CEACAM6: variants seen among roughly 807,000 people sequenced by gnomAD.
CEACAM6 encodes the protein cell adhesion molecule CEACAM6.
CEACAM6 carries 21 observed loss-of-function variants against 32.4 expected under a neutral mutation model. The ratio of observed to expected loss-of-function variants is 0.65; its 90% CI spans 0.46 to 0.93. The LOEUF is 0.93. Ranked by LOEUF, CEACAM6 falls within the 40% of genes least tolerant of loss-of-function variation. The pLI is 0.00. For missense variants in CEACAM6, 406 were observed against 432.2 expected, an observed-to-expected ratio of 0.94 and a Z score of 0.54; for synonymous variants, 184 against 174.4, an observed-to-expected ratio of 1.06 and a Z score of -0.43.
rs570434430 is a variant in CEACAM6, at chr19:41,756,869, G to A, written c.334G>A (p.Val112Ile). 82 of 1,614,120 alleles carry A rather than the reference G, an allele frequency of 5.1e-5. No homozygotes were observed. Among genetic ancestry groups the A allele is most frequent in the South Asian group, 2.3e-4 (21 of 91,078 alleles). ...YPNASLLIQN[V>I]TQNDTGFYTL... ...CAATGCATCCCTGCTGATCCAGAAC[G>A]TCACCCAGAATGACACAGGATTCTA... Residue 112 changes from valine to isoleucine, a missense_variant, in exon 2 of 6, where the codon GTC becomes ATC. Physicochemically the swap from Val to Ile is conservative, Grantham distance 29 (BLOSUM62 3). Coordinates refer to ENST00000199764, the MANE Select transcript of CEACAM6 (RefSeq NM_002483.7).
chr19:41,762,612 A>AAGG (rs2072933553), intron 4 of CEACAM6, among the ~76,000 whole-genome samples: 2 of 152,074 alleles, frequency 1.3e-5, no homozygotes, highest in Non-Finnish European at 1.5e-5. Flanking sequence ...CTACTCCATA[A>AAGG]GCTACAAGGG....
chr19:41,761,714 C>T (rs1433120474), intron 3 of CEACAM6, among the ~76,000 whole-genome samples, 187 bp downstream of exon 3: 1 of 152,182 alleles, frequency 6.6e-6, no homozygotes, highest in Non-Finnish European at 1.5e-5. Flanking sequence ...GGGGCTGTCT[C>T]CTGTGCTACT....
At chr19:41,759,519 C>G (rs1210856612) in intron 2 of CEACAM6, among the ~76,000 whole-genome samples, 5 of 152,176 alleles carry the variant, frequency 3.3e-5, no homozygotes, top group Non-Finnish European at 5.9e-5. Flanking sequence ...CTAAGACTTC[C>G]TCTCCTACTG....
intron 2 of CEACAM6, among the ~76,000 whole-genome samples, chr19:41,760,775 G>A (rs554455094): frequency 6.6e-6 from 1 of 152,282 alleles, no homozygotes; most frequent in South Asian, 2.1e-4. Flanking sequence ...AGTATCCTTG[G>A]GGTTTAAGGA....
At chr19:41,767,581 CAAG>C (rs1167534877) in intron 5 of CEACAM6, among the ~76,000 whole-genome samples, 2 of 152,198 alleles carry the variant, frequency 1.3e-5, no homozygotes, top group Non-Finnish European at 2.9e-5. Flanking sequence ...AACGGATGCT[CAAG>C]CCCCAACCAT....
At chr19:41,767,675 A>G (rs2072964456) in intron 5 of CEACAM6, among the ~76,000 whole-genome samples, 1 of 152,208 alleles carries the variant, frequency 6.6e-6, no homozygotes, top group Non-Finnish European at 1.5e-5. Context: ...ATGTGTAGCC[A>G]CGATGGAGGA....
chr19:41,768,543 C>T lies in CEACAM6; in HGVS notation c.*40+2244C>T, dbSNP rs10408680. On this transcript the variant is annotated intron_variant, in intron 5 of 5. Coordinates refer to ENST00000199764, the MANE Select transcript of CEACAM6 (RefSeq NM_002483.7). ...AACCATCCGATTTCTCAATCTTTTC[C>T]CCACCTTTCCCCCTTTTCTATTCCA... is the stretch of plus-strand genomic sequence containing the variant. 5.2e-3 allele frequency among the ~76,000 whole-genome samples: 793 copies of T among 152,366 alleles called. 10 individuals are homozygous for T. The highest frequency in any genetic ancestry group is 0.018 in the African/African-American group (752 of 41,588).
In CEACAM6 at chr19:41,765,661, C is replaced by A. The variant is rs527587162; in HGVS notation, c.959-522C>A. On this transcript the variant is annotated intron_variant, in intron 4 of 5. Transcript: ENST00000199764. ...GTGCAGTTCTGAGTTTCCCCAAGAC[C>A]GATGGGGAGTCCTTGAACCCCTCAC... 3.3e-5 allele frequency among the ~76,000 whole-genome samples: 5 copies of A among 152,296 alleles called. No homozygotes were observed. In the South Asian group the frequency reaches 1.0e-3, roughly 32 times the overall value.
intron 5 of CEACAM6, 78 bp downstream of exon 5, chr19:41,766,377 C>A: frequency 1.5e-6 from 1 of 646,190 alleles, no homozygotes; most frequent in Non-Finnish European, 2.6e-6. Context: ...ACTTCTTCAC[C>A]TGTATCTGGG....
At chr19:41,757,069 T>C in intron 2 of CEACAM6, 110 bp downstream of exon 2, 1 of 1,511,270 alleles carries the variant, frequency 6.6e-7, no homozygotes, top group Non-Finnish European at 8.9e-7. Flanking sequence ...ACATCCTGTA[T>C]CAGGGTTTGG....
rs61736638 is a variant in CEACAM6 at position 41,756,789 on chromosome 19, G to T, written c.254G>T (p.Gly85Val). ...GNSLIVGYVI[G>V]TQQATPGPAY... Reference sequence around the variant, plus strand: ...AGTCTAATTGTAGGATATGTAATAGGAACTCAACAAGCTACCCCAGGGCCC... The same window carrying T: ...AGTCTAATTGTAGGATATGTAATAGTAACTCAACAAGCTACCCCAGGGCCC... Residue 85 changes from glycine (G) to valine (V), a missense_variant, in exon 2 of 6, where the codon GGA (glycine) becomes GTA (valine). Physicochemically the swap from Gly to Val is moderately radical, Grantham distance 109 (BLOSUM62 -3). Transcript: ENST00000199764. 3.7e-6 allele frequency: 6 copies of T among 1,613,856 alleles called. No individual in the cohort carries two copies. The highest frequency in any genetic ancestry group is 5.1e-6 in the Non-Finnish European group (6 of 1,179,998).
In CEACAM6 at chr19:41,755,695, G is replaced by A. The variant is rs1184806021; in HGVS notation, c.57G>A (p.Leu19=). The A allele has an allele frequency of 1.9e-6, 3 of 1,604,912 alleles. No homozygotes were observed. In the African/African-American group the frequency reaches 4.0e-5, roughly 22 times the overall value. ...CRLHVPWKEV[L]LTASLLTFWN... is the part of the protein sequence containing the mutation. ...TGCATGTCCCCTGGAAGGAGGTCCTGCTCACAGGTGAGGGGAGGACTCCCT... is the reference window on the plus strand; with the variant it reads ...TGCATGTCCCCTGGAAGGAGGTCCTACTCACAGGTGAGGGGAGGACTCCCT... The change falls in exon 1 of 6, where the codon CTG becomes CTA. Residue 19 remains leucine, a synonymous_variant. Transcript: ENST00000199764.
At chr19:41,763,055 G>T (rs2072936384) in intron 4 of CEACAM6, among the ~76,000 whole-genome samples, 1 of 152,146 alleles carries the variant, frequency 6.6e-6, no homozygotes, top group Non-Finnish European at 1.5e-5. Flanking sequence ...GGAAGGGGCA[G>T]TGACAAAAAG....
intron 4 of CEACAM6, among the ~76,000 whole-genome samples, chr19:41,764,148 C>T (rs1555822201): frequency 6.6e-6 from 1 of 152,156 alleles, no homozygotes; most frequent in African/African-American, 2.4e-5. Context: ...AATCTTATTA[C>T]TAATTATAGG....
chr19:41,763,457 G>C (rs1362713513), intron 4 of CEACAM6, among the ~76,000 whole-genome samples: 1 of 152,176 alleles, frequency 6.6e-6, no homozygotes, highest in Non-Finnish European at 1.5e-5. Flanking sequence ...CATGTTCCAG[G>C]TGAGTACCCC....
rs1426165562 is a variant in CEACAM6, at chr19:41,770,906, A to C, written c.*145A>C. On this transcript the variant is annotated 3_prime_UTR_variant, in exon 6 of 6. Coordinates refer to ENST00000199764, the MANE Select transcript of CEACAM6 (RefSeq NM_002483.7). ...GCTCCTGAAGCCCTATATGCTGGAGATGGACAACTCAATGAAAATTTAAAG... is the reference window on the plus strand; with the variant it reads ...GCTCCTGAAGCCCTATATGCTGGAGCTGGACAACTCAATGAAAATTTAAAG... 1 of 152,742 alleles carries C rather than the reference A, an allele frequency of 6.5e-6. No homozygotes were observed. The highest frequency in any genetic ancestry group is 2.4e-5 in the African/African-American group (1 of 41,440). 9.5% of individuals were successfully genotyped at this position (152,742 alleles called of 1,614,324 possible).
intron 4 of CEACAM6, among the ~76,000 whole-genome samples, chr19:41,762,907 G>C (rs533665356): frequency 6.6e-6 from 1 of 152,296 alleles, no homozygotes; most frequent in African/African-American, 2.4e-5. Context: ...ATGACAGACT[G>C]CTGAGCTGTG....
In CEACAM6 at chr19:41,756,959, C is replaced by T. The variant is rs1387567447; in HGVS notation, c.424C>T (p.Pro142Ser). 8.8e-6 allele frequency: 14 copies of T among 1,596,230 alleles called. No individual in the cohort carries two copies. Among genetic ancestry groups the T allele is most frequent in the South Asian group, 2.3e-5 (2 of 88,420 alleles). Reference sequence around the variant, plus strand: ...AGCAACCGGACAGTTCCATGTATACCGTGAGTATTTCCACATGACCTCTGG... The same window carrying T: ...AGCAACCGGACAGTTCCATGTATACTGTGAGTATTTCCACATGACCTCTGG... ...EEATGQFHVY[P>S]ELPKPSISSN... The change falls in exon 2 of 6, where the codon CCG becomes TCG. Residue 142 changes from proline to serine, a missense_variant and splice_region_variant. Coordinates refer to ENST00000199764, the MANE Select transcript of CEACAM6 (RefSeq NM_002483.7).
intron 5 of CEACAM6, among the ~76,000 whole-genome samples, chr19:41,767,159 C>T (rs1251548570): frequency 6.6e-6 from 1 of 152,178 alleles, no homozygotes; most frequent in African/African-American, 2.4e-5. Flanking sequence ...CTCTACACAT[C>T]CCTGCCCCTT....
Sources: gnomAD v4.1 joint callset for allele counts (sites outside exome capture counted in the v4.1 genomes callset) on GRCh38, gnomAD v4.1.1 for gene constraint, MANE v1.5 for transcripts, NCBI Gene and HGNC (gene_info 2026-07-23, HGNC 2026-07-21) for gene names.